The following CRPPA variants were observed in gnomAD, a reference collection of about 807,000 sequenced individuals.
The protein encoded by CRPPA is CDP-L-ribitol pyrophosphorylase A, also known as D-ribitol-5-phosphate cytidylyltransferase.
In CRPPA, 43 loss-of-function variants were observed where a neutral mutation model predicts 52.0. The observed-to-expected ratio is 0.83, with a 90% CI of 0.65 to 1.07. The LOEUF (loss-of-function observed/expected upper bound fraction) is 1.07. Among genes scored for constraint, CRPPA ranks in the 50% least tolerant of loss-of-function variants. The probability of loss-of-function intolerance (pLI) is 0.00; values close to 1 mark genes in which losing one functional copy is unlikely to be tolerated. For missense variants in CRPPA, 629 were observed against 551.7 expected, an observed-to-expected ratio of 1.14 and a Z score of -1.40; for synonymous variants, 250 against 203.5, an observed-to-expected ratio of 1.23 and a Z score of -1.94.
At chr7:16,226,679 T>C (rs1782659996) in intron 8 of CRPPA, among the ~76,000 whole-genome samples, 3 of 151,952 alleles carry the variant, frequency 2.0e-5, no homozygotes. Context: ...AATACAACTT[T>C]TTGTTAATTT....
chr7:16,363,759 G>T (rs1786518093), intron 3 of CRPPA, among the ~76,000 whole-genome samples: 1 of 151,972 alleles, frequency 6.6e-6, no homozygotes, highest in Non-Finnish European at 1.5e-5. Flanking sequence ...AATAAATAAG[G>T]ACCAGTGGGG....
At chr7:16,263,357 T>C (rs1183320196) in intron 6 of CRPPA, among the ~76,000 whole-genome samples, 1 of 149,964 alleles carries the variant, frequency 6.7e-6, no homozygotes, top group Non-Finnish European at 1.5e-5. Context: ...TTCATACCTA[T>C]GACAACTTCG....
chr7:16,378,705 G>A (rs1052483562), intron 2 of CRPPA, among the ~76,000 whole-genome samples: 1 of 150,096 alleles, frequency 6.7e-6, no homozygotes, highest in African/African-American at 2.4e-5. Flanking sequence ...CACAATGGTT[G>A]AACTAGTTTA....
At chr7:16,144,348 C>T (rs1782930429) in intron 9 of CRPPA, among the ~76,000 whole-genome samples, 2 of 152,196 alleles carry the variant, frequency 1.3e-5, no homozygotes, top group Admixed American at 6.5e-5. Context: ...CATTCTACTT[C>T]AGTCCAAGGC....
chr7:16,124,307 TCCATGTAATTTGTTGG>T (rs764192257), intron 9 of CRPPA, among the ~76,000 whole-genome samples: 19 of 152,082 alleles, frequency 1.2e-4, no homozygotes, highest in Non-Finnish European at 2.6e-4. Context: ...TGCACATTTT[TCCATGTAATTTGTTGG>T]CCATTTGTAT....
intron 3 of CRPPA, among the ~76,000 whole-genome samples, chr7:16,319,435 A>G (rs55750250): frequency 0.12 from 18,317 of 152,074 alleles, 1,154 homozygotes; most frequent in East Asian, 0.26. Flanking sequence ...CTCTCCCAAC[A>G]TGGATCCCCT....
At chr7:16,138,116 A>G (rs937057149) in intron 9 of CRPPA, among the ~76,000 whole-genome samples, 3 of 152,324 alleles carry the variant, frequency 2.0e-5, no homozygotes, top group Middle Eastern at 3.4e-3. Context: ...TATGTCAACA[A>G]TTTATATGTA....
At chr7:16,350,106 A>G (rs113178645) in intron 3 of CRPPA, among the ~76,000 whole-genome samples, 6 of 137,228 alleles carry the variant, frequency 4.4e-5, no homozygotes, top group Admixed American at 2.3e-4. Flanking sequence ...GATATTTTCA[A>G]GAACTTAAAA....
chr7:16,213,934 T>G (rs750934778), intron 9 of CRPPA, among the ~76,000 whole-genome samples: 5 of 152,174 alleles, frequency 3.3e-5, no homozygotes, highest in Admixed American at 2.6e-4. Context: ...AGCTTTATGT[T>G]ACACTTCTAA....
At position 16,330,780 on chromosome 7, in the gene CRPPA, G is replaced by C. The variant is rs762500033; in HGVS notation, c.685-22153C>G. On this transcript the variant is annotated intron_variant, in intron 3 of 9. Transcript: ENST00000407010. ...AATACTCCAGAGGCTGCTCTTCTTA[G>C]CAAGGTCTACCCTGAGGAGACTCTA... Among the ~76,000 whole-genome samples the C allele has an allele frequency of 8.2e-4, 124 of 152,078 alleles. 1 individual carries two copies. Among genetic ancestry groups the C allele is most frequent in the Admixed American group, 7.9e-4 (12 of 15,276 alleles).
In CRPPA at chr7:16,258,839, A is replaced by G. The variant is rs566456109; in HGVS notation, c.1026+81T>C. The G allele has an allele frequency of 7.6e-6, 6 of 793,198 alleles. No individual in the cohort carries two copies. The African/African-American group carries it at 1.1e-4, about 14-fold the overall frequency. 49.1% of individuals were successfully genotyped at this position (793,198 alleles called of 1,614,324 possible). On this transcript the variant is annotated intron_variant, in intron 7 of 9. Coordinates refer to ENST00000407010, the MANE Select transcript of CRPPA (RefSeq NM_001101426.4). ...AGAAGAACTCATCATAATATCATATATAAATATTTAAGAATCAAATTAGTT... is the reference window on the plus strand; with the variant it reads ...AGAAGAACTCATCATAATATCATATGTAAATATTTAAGAATCAAATTAGTT...
chr7:16,203,054 T>C (rs1562554464), intron 9 of CRPPA, among the ~76,000 whole-genome samples: 1 of 152,214 alleles, frequency 6.6e-6, no homozygotes, highest in Admixed American at 6.5e-5. Context: ...AATAACTAGG[T>C]TGGTAATATT....
intron 5 of CRPPA, among the ~76,000 whole-genome samples, chr7:16,299,491 A>G (rs76192063): frequency 0.038 from 5,733 of 152,236 alleles, 355 homozygotes; most frequent in African/African-American, 0.13. Context: ...GTGGGGCCTG[A>G]GATTCTAGTC....
intron 1 of CRPPA, among the ~76,000 whole-genome samples, chr7:16,420,643 G>A (rs575563258): frequency 1.3e-5 from 2 of 152,266 alleles, no homozygotes; most frequent in Non-Finnish European, 2.9e-5. Context: ...TGAAAAAAAC[G>A]AACACACGCC....
chr7:16,271,354 C>G (rs1218989568), intron 6 of CRPPA, among the ~76,000 whole-genome samples: 5 of 152,096 alleles, frequency 3.3e-5, no homozygotes, highest in African/African-American at 1.2e-4. Flanking sequence ...GAGCAGCCAC[C>G]ATAATCTTCT....
chr7:16,352,678 G>A (rs377648210), intron 3 of CRPPA, among the ~76,000 whole-genome samples: 27 of 152,190 alleles, frequency 1.8e-4, no homozygotes, highest in African/African-American at 6.0e-4. Flanking sequence ...CAGCCACTTT[G>A]GAAAACAGTA....
intron 3 of CRPPA, among the ~76,000 whole-genome samples, chr7:16,331,803 A>C (rs1179696777): frequency 6.6e-6 from 1 of 152,222 alleles, no homozygotes; most frequent in Admixed American, 6.5e-5. Context: ...GAAAGTGAGA[A>C]GTAAAGATAA....
chr7:16,341,460 C>T (rs991026869), intron 3 of CRPPA, among the ~76,000 whole-genome samples: 4 of 152,134 alleles, frequency 2.6e-5, no homozygotes, highest in South Asian at 2.1e-4. Flanking sequence ...ATTGCCACTA[C>T]TTCTTGCCTA....
intron 9 of CRPPA, among the ~76,000 whole-genome samples, chr7:16,129,005 T>C (rs1782633272): frequency 6.6e-6 from 1 of 152,202 alleles, no homozygotes; most frequent in African/African-American, 2.4e-5. Context: ...TCAAGTATTG[T>C]AGCTAAATCC....
Sources: allele counts gnomAD v4.1 joint callset (sites outside exome capture counted in the v4.1 genomes callset), GRCh38; gene constraint gnomAD v4.1.1; transcripts MANE v1.5; gene names NCBI Gene and HGNC (gene_info 2026-07-23, HGNC 2026-07-21).